MEST: variants seen among roughly 807,000 people sequenced by gnomAD.
MEST encodes the protein mesoderm specific transcript, also known as mesoderm-specific transcript homolog protein.
MEST carries 18 observed loss-of-function variants against 50.9 expected under a neutral mutation model. The ratio of observed to expected loss-of-function variants is 0.35; its 90% CI spans 0.24 to 0.52. The LOEUF (loss-of-function observed/expected upper bound fraction) is 0.52, where lower values mean the gene tolerates loss of function less well. Ranked by LOEUF, MEST falls within the 20% of genes least tolerant of loss-of-function variation. The pLI, the probability that MEST is intolerant of heterozygous loss-of-function variation, is 0.94. For missense variants in MEST, 282 were observed against 425.3 expected, an observed-to-expected ratio of 0.66 and a Z score of 2.96; for synonymous variants, 130 against 154.1, an observed-to-expected ratio of 0.84 and a Z score of 1.16.
chr7:130,498,992 G>A (rs954009763), intron 6 of MEST, among the ~76,000 whole-genome samples: 7 of 152,166 alleles, frequency 4.6e-5, no homozygotes, highest in South Asian at 2.1e-4. Flanking sequence ...TAAATGAAAC[G>A]TTATAATGGA....
chr7:130,494,872 C>CT (rs1287964272), intron 1 of MEST: 1 of 979,536 alleles, frequency 1.0e-6, no homozygotes, highest in African/African-American at 1.8e-5. Flanking sequence ...CACACACACT[C>CT]TTTAAAACAT....
At chr7:130,503,124 C>T (rs2116299081) in intron 10 of MEST, among the ~76,000 whole-genome samples, 2 of 152,282 alleles carry the variant, frequency 1.3e-5, no homozygotes, top group Middle Eastern at 6.8e-3. Flanking sequence ...TGCTGAATTG[C>T]TCGGACAGAA....
chr7:130,489,858 T>C (rs1453799635), upstream of MEST: 15 of 152,212 alleles, frequency 9.9e-5, no homozygotes, highest in African/African-American at 3.6e-4. Flanking sequence ...GTCTGCCCAC[T>C]TGATCCATGT....
chr7:130,495,004 C>A (rs985439072), intron 1 of MEST, among the ~76,000 whole-genome samples: 1 of 152,072 alleles, frequency 6.6e-6, no homozygotes, highest in Non-Finnish European at 1.5e-5. Context: ...TGATAAAAGT[C>A]AACGAAAGAG....
At chr7:130,493,693 G>A (rs1057487115) in intron 1 of MEST, among the ~76,000 whole-genome samples, 3 of 152,122 alleles carry the variant, frequency 2.0e-5, no homozygotes, top group Non-Finnish European at 4.4e-5. Context: ...CGCCCCTCCC[G>A]GGGCTCTCTG....
intron 1 of MEST, 55 bp from the exon 2 acceptor site, chr7:130,495,313 G>C: frequency 6.5e-7 from 1 of 1,534,028 alleles, no homozygotes. Flanking sequence ...TTGGTTTGTA[G>C]ATGAGTGGAC....
chr7:130,494,939 A>G (rs1798984596), intron 1 of MEST: 1 of 589,880 alleles, frequency 1.7e-6, no homozygotes. Context: ...TAGTGGGTAG[A>G]TGGTAGAGCT....
rs1297216629 is a variant in MEST at position 130,500,563 on chromosome 7, G to A, written c.647+31G>A. The stretch of plus-strand genomic sequence containing the variant: ...TGTCACTGTCAAAGATTGTGGCCTA[G>A]AGCAATGTCGTGAAAAGTTGCTGCC... On this transcript the variant is annotated intron_variant, in intron 8 of 11. Coordinates refer to ENST00000223215, the MANE Select transcript of MEST (RefSeq NM_002402.4). The surrounding 1 kb of genome is among the most constrained non-coding windows in gnomAD (Gnocchi z 5.0). 3.8e-6 allele frequency: 6 copies of A among 1,593,750 alleles called. No individual in the cohort carries two copies. The African/African-American group carries it at 8.1e-5, about 21-fold the overall frequency.
rs143949743 is a variant in MEST at position 130,492,827 on chromosome 7, A to T, written c.26+488A>T. Among the ~76,000 whole-genome samples, 423 of 152,100 alleles carry T rather than the reference A, an allele frequency of 2.8e-3. 1 individual carries two copies. Among genetic ancestry groups the T allele is most frequent in the African/African-American group, 9.8e-3 (405 of 41,482 alleles). ...CCCTCTGGTGCGATTCAGGATTCTT[A>T]GACTCCGCCGTTGCCGTGGCGCGAT... is the stretch of plus-strand genomic sequence containing the variant. On this transcript the variant is annotated intron_variant, in intron 1 of 11. Coordinates refer to ENST00000223215, the MANE Select transcript of MEST (RefSeq NM_002402.4). The surrounding 1 kb of genome is among the most constrained non-coding windows in gnomAD (Gnocchi z 7.6).
At chr7:130,498,769 T>C (rs1799166581) in intron 6 of MEST, 1 of 488,614 alleles carries the variant, frequency 2.0e-6, no homozygotes, top group Non-Finnish European at 3.7e-6. Flanking sequence ...ATGCATTAGA[T>C]AGCAAGTTCT....
chr7:130,489,592 A>G (rs980464933), upstream of MEST: 19 of 152,208 alleles, frequency 1.2e-4, no homozygotes, highest in African/African-American at 4.3e-4. Context: ...GGCCAAGCTG[A>G]TATCTTTGAG....
At chr7:130,504,849 T>A (rs782508214) in intron 11 of MEST, 90 bp from the exon 12 acceptor site, 3 of 910,194 alleles carry the variant, frequency 3.3e-6, no homozygotes, top group Non-Finnish European at 5.4e-6. Flanking sequence ...GTGTGGTGTG[T>A]CCACAGGGTC....
At chr7:130,503,490 A>G (rs1484854367) in intron 10 of MEST, among the ~76,000 whole-genome samples, 2 of 152,216 alleles carry the variant, frequency 1.3e-5, no homozygotes, top group African/African-American at 4.8e-5. Flanking sequence ...TAGGTTTTGT[A>G]TCACACAAAA....
rs141534766 is a variant in MEST, at chr7:130,503,220, G to T, written c.826+500G>T. Among the ~76,000 whole-genome samples the T allele has an allele frequency of 5.5e-3, 843 of 152,316 alleles. 1 individual carries two copies. The highest frequency in any genetic ancestry group is 9.3e-3 in the Non-Finnish European group (630 of 68,028). On this transcript the variant is annotated intron_variant, in intron 10 of 11. Transcript: ENST00000223215. ...CTTACAGATTTAAAAAAAAATTATG[G>T]TGTTTCACACATAGTGATTAGTGCT...
At position 130,500,811 on chromosome 7, in the gene MEST, T is replaced by A; in HGVS notation, c.670T>A (p.Tyr224Asn). The A allele has an allele frequency of 6.2e-7, 1 of 1,613,234 alleles. No individual in the cohort carries two copies. The highest frequency in any genetic ancestry group is 1.3e-5 in the African/African-American group (1 of 74,980). ...SRGLTPVFGP[Y>N]TRPSESELWD... ...CAGTCTCACCCCAGTCTTTGGGCCG[T>A]ATACTCGGCCCTCTGAGAGTGAGCT... Residue 224 changes from tyrosine to asparagine, a missense_variant, in exon 9 of 12, where the codon TAT becomes AAT. Transcript: ENST00000223215. The surrounding 1 kb of genome is among the most constrained non-coding windows in gnomAD (Gnocchi z 5.0).
chr7:130,500,860 G>A lies in MEST; in HGVS notation c.719G>A (p.Arg240His). The change falls in exon 9 of 12, where the codon CGC (arginine) becomes CAC (histidine). Residue 240 changes from arginine (R) to histidine (H), a missense_variant. Transcript: ENST00000223215. This position sits in a 1 kb window ranked among gnomAD's most constrained non-coding sequence, Gnocchi z 5.0. ...SELWDMWAGI[R>H]NNDGNLVIDS... ...CTGTGGGACATGTGGGCAGGGATCC[G>A]CAACAATGACGGGAACTTAGTCATT... is the stretch of plus-strand genomic sequence containing the variant. The A allele has an allele frequency of 6.2e-7, 1 of 1,613,878 alleles. No homozygotes were observed. The highest frequency in any genetic ancestry group is 8.5e-7 in the Non-Finnish European group (1 of 1,179,924).
rs572189326 is a variant in MEST, at chr7:130,502,950, A to T, written c.826+230A>T. On this transcript the variant is annotated intron_variant, in intron 10 of 11. Coordinates refer to ENST00000223215, the MANE Select transcript of MEST (RefSeq NM_002402.4). ...AAAATCATTTTTCACCTGAAATTCA[A>T]ATTTTCTGGGTATCCTTTATTTTAC... 5.9e-4 allele frequency among the ~76,000 whole-genome samples: 90 copies of T among 152,190 alleles called. 2 individuals carry two copies. The highest frequency in any genetic ancestry group is 5.8e-3 in the Admixed American group (89 of 15,276).
chr7:130,497,816 C>A lies in MEST; in HGVS notation c.262-120C>A. 1.2e-6 allele frequency: 1 copy of A among 828,496 alleles called. No individual in the cohort carries two copies. The highest frequency in any genetic ancestry group is 2.1e-6 in the Non-Finnish European group (1 of 482,632). The allele number at this position is 828,496 out of a possible 1,614,324, so 51.3% of individuals were successfully genotyped here. A position where few individuals can be genotyped will look rare whatever the true frequency, so the allele number is the denominator to read the frequency against. ...TGTGGGACCTGTGGTAGTTTCATGG[C>A]GTTTTCTCTTTATGGAAGTCTGTTA... On this transcript the variant is annotated intron_variant, in intron 3 of 11. Transcript: ENST00000223215. This position sits in a 1 kb window ranked among gnomAD's most constrained non-coding sequence, Gnocchi z 4.0.
chr7:130,506,356 G>T lies in MEST; in HGVS notation c.*1300G>T, dbSNP rs1554439969. ...TCTGGGATAAAAATTTTCCAGCATT[G>T]CCAGGAGCTTTCAGGTACACATTAA... On this transcript the variant is annotated 3_prime_UTR_variant, in exon 12 of 12. Coordinates refer to ENST00000223215, the MANE Select transcript of MEST (RefSeq NM_002402.4). The T allele has an allele frequency of 1.7e-5, 2 of 117,872 alleles. No individual in the cohort carries two copies. Among genetic ancestry groups the T allele is most frequent in the Admixed American group, 1.3e-4 (1 of 7,982 alleles). 7.3% of individuals were successfully genotyped at this position (117,872 alleles called of 1,614,324 possible).
Sources: allele counts gnomAD v4.1 joint callset (sites outside exome capture counted in the v4.1 genomes callset), GRCh38; gene constraint gnomAD v4.1.1; non-coding constraint Gnocchi (gnomAD v3.1); transcripts MANE v1.5; gene names NCBI Gene and HGNC (gene_info 2026-07-23, HGNC 2026-07-21).